Variants in SDHAF3 observed in about 807,000 individuals in gnomAD.
The protein encoded by SDHAF3 is succinate dehydrogenase complex assembly factor 3.
A neutral mutation model predicts 11.5 loss-of-function variants in SDHAF3; 18 were observed. That is an observed-to-expected ratio of 1.56 (90% CI 1.08 to 2.32). The LOEUF (loss-of-function observed/expected upper bound fraction) is 2.32, where lower values mean the gene tolerates loss of function less well. SDHAF3 is among the 30% of genes most tolerant of loss of function. SDHAF3 has a pLI of 0.00. For missense variants in SDHAF3, 200 were observed against 154.4 expected (o/e 1.30, Z -1.57); for synonymous variants, 72 against 59.3 (o/e 1.21, Z -0.99).
In SDHAF3 at chr7:97,174,712, A is replaced by C. The variant is rs186131765; in HGVS notation, c.175-6300A>C. ...ATTGAGGTTGTGCATTATTGGGAAG[A>C]ATACCACCGAGGTGATACATCCTCT... On this transcript the variant is annotated intron_variant, in intron 1 of 1. Coordinates refer to ENST00000432641, the MANE Select transcript of SDHAF3 (RefSeq NM_020186.3). Among the ~76,000 whole-genome samples, 8 of 152,298 alleles carry C rather than the reference A, an allele frequency of 5.3e-5. No individual in the cohort carries two copies. The East Asian group carries it at 1.5e-3, about 29-fold the overall frequency.
At chr7:97,140,438 C>T (rs1018095972) in intron 1 of SDHAF3, among the ~76,000 whole-genome samples, 33 of 151,012 alleles carry the variant, frequency 2.2e-4, no homozygotes, top group Admixed American at 5.9e-4. Context: ...CTCCGCCTCC[C>T]GGGTTCACAC....
intron 1 of SDHAF3, among the ~76,000 whole-genome samples, chr7:97,122,233 A>G (rs73406431): frequency 0.015 from 2,262 of 152,310 alleles, 55 homozygotes; most frequent in African/African-American, 0.051. Flanking sequence ...TGAGGAAGAA[A>G]TAAAGCTAAA....
chr7:97,159,226 C>A (rs1346404906), intron 1 of SDHAF3, among the ~76,000 whole-genome samples: 1 of 152,174 alleles, frequency 6.6e-6, no homozygotes. Context: ...TGTAGATGTT[C>A]CTGTTGAGGC....
chr7:97,160,492 C>T (rs1789390783), intron 1 of SDHAF3, among the ~76,000 whole-genome samples: 1 of 151,602 alleles, frequency 6.6e-6, no homozygotes, highest in East Asian at 2.0e-4. Context: ...AAAGAGAGAT[C>T]AGATTGTTAC....
chr7:97,147,672 T>C (rs1403673622), intron 1 of SDHAF3, among the ~76,000 whole-genome samples: 2 of 152,212 alleles, frequency 1.3e-5, no homozygotes, highest in Admixed American at 6.5e-5. Context: ...TTACTCTTAC[T>C]GTATAAATAC....
chr7:97,148,819 T>C (rs1343260493), intron 1 of SDHAF3, among the ~76,000 whole-genome samples: 16 of 152,164 alleles, frequency 1.1e-4, no homozygotes, highest in Admixed American at 1.0e-3. Context: ...AATGAAAAAA[T>C]TGTGCTTCTC....
At position 97,148,114 on chromosome 7, in the gene SDHAF3, G is replaced by A. The variant is rs1013464850; in HGVS notation, c.174+30217G>A. Among the ~76,000 whole-genome samples the A allele has an allele frequency of 5.9e-5, 9 of 151,922 alleles. No homozygotes were observed. The South Asian group carries it at 6.2e-4, about 11-fold the overall frequency. ...TTCACCATGTCGTCAAGCTGGTCCC[G>A]AACTCCAGACCCCAAGTGATCCACC... On this transcript the variant is annotated intron_variant, in intron 1 of 1. Transcript: ENST00000432641.
intron 1 of SDHAF3, among the ~76,000 whole-genome samples, chr7:97,131,782 A>G (rs1411439100): frequency 6.6e-6 from 1 of 152,200 alleles, no homozygotes; most frequent in African/African-American, 2.4e-5. Context: ...TGGGCAAAAG[A>G]GACTCTAATA....
chr7:97,133,617 A>T (rs1403232211), intron 1 of SDHAF3, among the ~76,000 whole-genome samples: 1 of 152,150 alleles, frequency 6.6e-6, no homozygotes, highest in African/African-American at 2.4e-5. Context: ...TTACTATTAC[A>T]CGTGTTAATG....
intron 1 of SDHAF3, among the ~76,000 whole-genome samples, chr7:97,156,009 A>C (rs1373162073): frequency 6.6e-6 from 1 of 152,180 alleles, no homozygotes; most frequent in African/African-American, 2.4e-5. Flanking sequence ...TGTCATAACT[A>C]ATGAACTAAT....
At chr7:97,168,570 A>G (rs1364118268) in intron 1 of SDHAF3, among the ~76,000 whole-genome samples, 3 of 152,146 alleles carry the variant, frequency 2.0e-5, no homozygotes, top group African/African-American at 4.8e-5. Context: ...TAATTTTGCA[A>G]TGATGGTTTC....
intron 1 of SDHAF3, among the ~76,000 whole-genome samples, chr7:97,125,277 T>C (rs969210259): frequency 6.6e-6 from 1 of 152,176 alleles, no homozygotes; most frequent in African/African-American, 2.4e-5. Context: ...GTTTTTGAAT[T>C]TGTTTGCTCT....
chr7:97,143,852 G>A (rs138613261), intron 1 of SDHAF3, among the ~76,000 whole-genome samples: 10 of 152,278 alleles, frequency 6.6e-5, no homozygotes, highest in Admixed American at 3.9e-4. Flanking sequence ...TAGATACCCA[G>A]TAGTGGGATT....
At chr7:97,142,225 T>C (rs1206162244) in intron 1 of SDHAF3, among the ~76,000 whole-genome samples, 1 of 151,712 alleles carries the variant, frequency 6.6e-6, no homozygotes, top group Non-Finnish European at 1.5e-5. Flanking sequence ...AGCTAATTTT[T>C]TGTATTTTTA....
At chr7:97,162,843 G>A (rs1789435262) in intron 1 of SDHAF3, among the ~76,000 whole-genome samples, 1 of 152,136 alleles carries the variant, frequency 6.6e-6, no homozygotes, top group Non-Finnish European at 1.5e-5. Flanking sequence ...TTGCGATGAG[G>A]TGCTGTGAAG....
intron 1 of SDHAF3, among the ~76,000 whole-genome samples, chr7:97,132,960 A>G (rs1404843825): frequency 1.3e-5 from 2 of 152,236 alleles, no homozygotes; most frequent in East Asian, 3.8e-4. Context: ...ACATTGAAAT[A>G]TAAATAAGAA....
intron 1 of SDHAF3, among the ~76,000 whole-genome samples, chr7:97,154,591 T>C (rs1262810059): frequency 6.6e-6 from 1 of 152,194 alleles, no homozygotes; most frequent in Non-Finnish European, 1.5e-5. Context: ...TTTATCCTTT[T>C]AACACAGTCT....
chr7:97,147,149 T>G (rs192485615), intron 1 of SDHAF3, among the ~76,000 whole-genome samples: 38 of 152,364 alleles, frequency 2.5e-4, no homozygotes, highest in African/African-American at 8.9e-4. Context: ...TTTAAACGTT[T>G]TGCCAAATTC....
intron 1 of SDHAF3, among the ~76,000 whole-genome samples, chr7:97,168,595 G>A (rs994245661): frequency 5.9e-5 from 9 of 151,976 alleles, no homozygotes; most frequent in Non-Finnish European, 1.2e-4. Context: ...CCTTCCTTTG[G>A]GTTTTATAAC....
Sources: allele counts gnomAD v4.1 joint callset (sites outside exome capture counted in the v4.1 genomes callset), GRCh38; gene constraint gnomAD v4.1.1; transcripts MANE v1.5; gene names NCBI Gene and HGNC (gene_info 2026-07-23, HGNC 2026-07-21).